The following ZFPM2 variants were observed in gnomAD, a reference collection of about 807,000 sequenced individuals.
The protein encoded by ZFPM2 is zinc finger protein ZFPM2.
In ZFPM2, 20 loss-of-function variants were observed where a neutral mutation model predicts 98.6. The observed-to-expected ratio is 0.20, with a 90% CI of 0.14 to 0.29. The LOEUF is 0.29. ZFPM2 is among the 10% of genes least tolerant of loss of function. ZFPM2 has a pLI of 1.00. For missense variants in ZFPM2, 1,310 were observed against 1,388.6 expected (o/e 0.94, Z 0.90); for synonymous variants, 518 against 502.7 (o/e 1.03, Z -0.41).
intron 4 of ZFPM2, among the ~76,000 whole-genome samples, chr8:105,627,392 T>C (rs1416871394): frequency 6.6e-6 from 1 of 152,128 alleles, no homozygotes; most frequent in Non-Finnish European, 1.5e-5. Flanking sequence ...ATGTACAATG[T>C]GGAGCTTCAA....
intron 6 of ZFPM2, among the ~76,000 whole-genome samples, chr8:105,794,784 G>A (rs1214200467): frequency 6.6e-6 from 1 of 152,236 alleles, no homozygotes; most frequent in Non-Finnish European, 1.5e-5. Flanking sequence ...CCTGGGCAAT[G>A]GCTGGCGCCC....
intron 6 of ZFPM2, among the ~76,000 whole-genome samples, chr8:105,793,853 T>C (rs1813705059): frequency 6.7e-6 from 1 of 150,352 alleles, no homozygotes; most frequent in African/African-American, 2.5e-5. Context: ...ATACCCTTTC[T>C]TCTAGTTGAT....
chr8:105,344,515 T>C (rs1316712293), intron 1 of ZFPM2, among the ~76,000 whole-genome samples: 4 of 152,204 alleles, frequency 2.6e-5, no homozygotes, highest in African/African-American at 9.6e-5. Context: ...ACATTTGTAA[T>C]TTACTGAGAT....
At chr8:105,436,979 T>G (rs1812133370) in intron 2 of ZFPM2, among the ~76,000 whole-genome samples, 1 of 152,208 alleles carries the variant, frequency 6.6e-6, no homozygotes, top group Non-Finnish European at 1.5e-5. Flanking sequence ...TAAATTAAAT[T>G]CTGTTCCATT....
intron 5 of ZFPM2, among the ~76,000 whole-genome samples, chr8:105,673,722 AG>A (rs1817639863): frequency 6.6e-6 from 1 of 152,146 alleles, no homozygotes; most frequent in South Asian, 2.1e-4. Context: ...TCAAAACAAG[AG>A]TTTATTTAGG....
intron 3 of ZFPM2, among the ~76,000 whole-genome samples, chr8:105,542,533 C>T (rs1414684001): frequency 1.3e-5 from 2 of 152,100 alleles, no homozygotes; most frequent in Non-Finnish European, 2.9e-5. Context: ...CAGTTGGCCC[C>T]TCCCTATCAG....
intron 5 of ZFPM2, among the ~76,000 whole-genome samples, chr8:105,732,085 C>T (rs1811953940): frequency 6.6e-6 from 1 of 151,678 alleles, no homozygotes; most frequent in Non-Finnish European, 1.5e-5. Flanking sequence ...TGAAGTTAAT[C>T]CCCACTATAC....
chr8:105,682,812 T>C (rs535628842), intron 5 of ZFPM2, among the ~76,000 whole-genome samples: 2 of 152,252 alleles, frequency 1.3e-5, no homozygotes, highest in South Asian at 4.1e-4. Context: ...TAAATCCCAC[T>C]TCACATAAGT....
intron 3 of ZFPM2, among the ~76,000 whole-genome samples, chr8:105,536,566 A>G (rs994570858): frequency 4.6e-5 from 7 of 152,196 alleles, no homozygotes; most frequent in South Asian, 4.2e-4. Context: ...ATCTCTGTCC[A>G]TGTTACAAAC....
At chr8:105,431,320 A>G (rs1405416424) in intron 2 of ZFPM2, among the ~76,000 whole-genome samples, 3 of 152,212 alleles carry the variant, frequency 2.0e-5, no homozygotes, top group Non-Finnish European at 4.4e-5. Flanking sequence ...TACAGATTAT[A>G]TAAAATGCAT....
chr8:105,580,151 C>T (rs1488969334), intron 4 of ZFPM2, among the ~76,000 whole-genome samples: 1 of 152,006 alleles, frequency 6.6e-6, no homozygotes, highest in Admixed American at 6.6e-5. Flanking sequence ...CTTCTTTGGT[C>T]GAATTGAAAG....
intron 3 of ZFPM2, among the ~76,000 whole-genome samples, chr8:105,534,109 T>TCCTTCCTCCCTC (rs1250920494): frequency 6.8e-5 from 2 of 29,232 alleles, no homozygotes; most frequent in South Asian, 1.7e-3. Context: ...CTTCCTCCCT[T>TCCTTCCTCCCTC]CCTTCCTCCC....
At chr8:105,662,766 C>A (rs184089180) in intron 5 of ZFPM2, 1 of 151,602 alleles carries the variant, frequency 6.6e-6, no homozygotes, top group Non-Finnish European at 1.5e-5. Context: ...TTAAAGCATC[C>A]ACTTACAAAG....
chr8:105,507,326 G>A (rs1172262744), intron 3 of ZFPM2, among the ~76,000 whole-genome samples: 1 of 152,150 alleles, frequency 6.6e-6, no homozygotes, highest in Non-Finnish European at 1.5e-5. Flanking sequence ...TTAACAATGT[G>A]AGAATTTCTT....
intron 1 of ZFPM2, among the ~76,000 whole-genome samples, chr8:105,407,124 T>C (rs1204461897): frequency 6.6e-6 from 1 of 151,538 alleles, no homozygotes; most frequent in African/African-American, 2.4e-5. Context: ...TTTTTTTTTT[T>C]TGCATTTGCT....
intron 5 of ZFPM2, among the ~76,000 whole-genome samples, chr8:105,717,231 G>A (rs1317682754): frequency 6.6e-6 from 1 of 152,002 alleles, no homozygotes; most frequent in Non-Finnish European, 1.5e-5. Context: ...AAAGCAATGA[G>A]ATGAATCAGA....
chr8:105,552,790 C>T (rs1814891637), intron 3 of ZFPM2, among the ~76,000 whole-genome samples: 1 of 148,102 alleles, frequency 6.8e-6, no homozygotes, highest in Non-Finnish European at 1.5e-5. Context: ...CTAGTTATTT[C>T]ATGGTGGGTT....
intron 5 of ZFPM2, among the ~76,000 whole-genome samples, chr8:105,760,593 A>C (rs1375536878): frequency 6.6e-6 from 1 of 152,072 alleles, no homozygotes; most frequent in African/African-American, 2.4e-5. Flanking sequence ...GTTTAGACCA[A>C]GGCAAGGATG....
At chr8:105,769,335 C>T (rs190681605) in intron 5 of ZFPM2, among the ~76,000 whole-genome samples, 2 of 151,940 alleles carry the variant, frequency 1.3e-5, no homozygotes, top group African/African-American at 4.8e-5. Flanking sequence ...TTTTATCCAC[C>T]GTTTTCCTTT....
Sources: gnomAD v4.1 joint callset for allele counts (sites outside exome capture counted in the v4.1 genomes callset) on GRCh38, gnomAD v4.1.1 for gene constraint, MANE v1.5 for transcripts, NCBI Gene and HGNC (gene_info 2026-07-23, HGNC 2026-07-21) for gene names.